The following ATXN10 variants were observed in gnomAD, a reference collection of about 807,000 sequenced individuals.
ATXN10 encodes ataxin-10.
Under a neutral mutation model 52.9 loss-of-function variants are expected in ATXN10, and 28 were observed. That is an observed-to-expected ratio of 0.53 (90% CI 0.39 to 0.73). The LOEUF is 0.73. Ranked by LOEUF, ATXN10 falls within the 30% of genes least tolerant of loss-of-function variation. ATXN10 has a pLI of 0.00. For synonymous variants in ATXN10, 226 were observed against 221.5 expected (o/e 1.02, Z -0.18); for missense variants, 565 against 577.0 (o/e 0.98, Z 0.21).
rs1014244417 is a variant in ATXN10, at chr22:45,705,080, T to C, written c.647+2233T>C. ...CTTTGTCTAACAGTGATTTTTATACTTTAAATCAACTTTGGATTCCTGAGA... is the reference window on the plus strand; with the variant it reads ...CTTTGTCTAACAGTGATTTTTATACCTTAAATCAACTTTGGATTCCTGAGA... On this transcript the variant is annotated intron_variant, in intron 5 of 11. Coordinates refer to ENST00000252934, the MANE Select transcript of ATXN10 (RefSeq NM_013236.4). The surrounding 1 kb of genome is among the most constrained non-coding windows in gnomAD (Gnocchi z 5.2). 6.6e-6 allele frequency among the ~76,000 whole-genome samples: 1 copy of C among 152,262 alleles called. No homozygotes were observed. Among genetic ancestry groups the C allele is most frequent in the African/African-American group, 2.4e-5 (1 of 41,476 alleles).
At position 45,702,815 on chromosome 22, in the gene ATXN10, T is replaced by C; in HGVS notation, c.615T>C (p.Asp205=). The change falls in exon 5 of 12, where the codon GAT becomes GAC. Residue 205 remains aspartate, a synonymous_variant. Transcript: ENST00000252934. ...TCAATATTGCAATTGATGTCATAGA[T>C]GCTTACCAAAAACATCCTGAATCAG... ...ENLNIAIDVI[D]AYQKHPESEW... is the part of the protein sequence containing the mutation. 1 of 1,613,966 alleles carries C rather than the reference T, an allele frequency of 6.2e-7. No homozygotes were observed. Among genetic ancestry groups the C allele is most frequent in the East Asian group, 2.2e-5 (1 of 44,832 alleles).
At chr22:45,731,460 G>A (rs1222673462) in intron 7 of ATXN10, among the ~76,000 whole-genome samples, 1 of 152,198 alleles carries the variant, frequency 6.6e-6, no homozygotes, top group Non-Finnish European at 1.5e-5. Context: ...TTCATTGCAT[G>A]TATATTATAC....
In ATXN10 at chr22:45,775,662, A is replaced by G. The variant is rs1569059950; in HGVS notation, c.1174-31297A>G. Among the ~76,000 whole-genome samples, 1 of 152,188 alleles carries G rather than the reference A, an allele frequency of 6.6e-6. No homozygotes were observed. The highest frequency in any genetic ancestry group is 1.5e-5 in the Non-Finnish European group (1 of 68,034). ...CTCCTTCGTGTGACTATTTATAATA[A>G]AAATGTGACTTGCAGTATTGTTATT... On this transcript the variant is annotated intron_variant, in intron 9 of 11. Coordinates refer to ENST00000252934, the MANE Select transcript of ATXN10 (RefSeq NM_013236.4). This position sits in a 1 kb window ranked among gnomAD's most constrained non-coding sequence, Gnocchi z 4.7.
intron 9 of ATXN10, among the ~76,000 whole-genome samples, chr22:45,752,263 C>G (rs1303913761): frequency 1.3e-5 from 2 of 152,088 alleles, no homozygotes; most frequent in Non-Finnish European, 2.9e-5. Flanking sequence ...GCCTACTGTT[C>G]TCTCGAGGAA....
intron 9 of ATXN10, among the ~76,000 whole-genome samples, chr22:45,788,116 A>G (rs953690870): frequency 1.3e-5 from 2 of 152,150 alleles, no homozygotes; most frequent in African/African-American, 4.8e-5. Context: ...TTTAAGGGCC[A>G]TTTGTATGCA....
At chr22:45,798,395 T>C (rs557768688) in intron 9 of ATXN10, among the ~76,000 whole-genome samples, 7 of 152,334 alleles carry the variant, frequency 4.6e-5, no homozygotes, top group African/African-American at 1.7e-4. Flanking sequence ...GACACTTTAA[T>C]TCTCCCATAT....
chr22:45,828,436 A>G lies in ATXN10; in HGVS notation c.1238-14555A>G, dbSNP rs576253593. Among the ~76,000 whole-genome samples, 4 of 152,234 alleles carry G rather than the reference A, an allele frequency of 2.6e-5. No individual in the cohort carries two copies. The highest frequency in any genetic ancestry group is 4.4e-5 in the Non-Finnish European group (3 of 68,012). ...AGGGCAGAGATAAAACAAACTAGAGAATAGAAAAATAATAGAGAAAATTAT... is the reference window on the plus strand; with the variant it reads ...AGGGCAGAGATAAAACAAACTAGAGGATAGAAAAATAATAGAGAAAATTAT... On this transcript the variant is annotated intron_variant, in intron 10 of 11. Transcript: ENST00000252934. The surrounding 1 kb of genome is among the most constrained non-coding windows in gnomAD (Gnocchi z 4.5).
chr22:45,843,622 G>T lies in ATXN10; in HGVS notation c.1426-47G>T, dbSNP rs1431791244. The T allele has an allele frequency of 6.3e-7, 1 of 1,597,706 alleles. No individual in the cohort carries two copies. The highest frequency in any genetic ancestry group is 8.6e-7 in the Non-Finnish European group (1 of 1,166,746). On this transcript the variant is annotated intron_variant, in intron 11 of 11. Transcript: ENST00000252934. The surrounding 1 kb of genome is among the most constrained non-coding windows in gnomAD (Gnocchi z 4.5). The stretch of plus-strand genomic sequence containing the variant: ...TCCCCTTTTGTCTGATGAATCTTGT[G>T]AACAGATTTGCTACATCTGCAATTT...
rs537698057 is a variant in ATXN10 at position 45,761,986 on chromosome 22, G to T, written c.1173+21448G>T. Among the ~76,000 whole-genome samples, 12 of 152,250 alleles carry T rather than the reference G, an allele frequency of 7.9e-5. No individual in the cohort carries two copies. In the South Asian group the frequency reaches 2.3e-3, roughly 29 times the overall value. On this transcript the variant is annotated intron_variant, in intron 9 of 11. Coordinates refer to ENST00000252934, the MANE Select transcript of ATXN10 (RefSeq NM_013236.4). ...TGAAGCAGGTGAATGGACCATATTC[G>T]CCTTTAAGAGCCTTCTGACTCCCAG...
At position 45,769,347 on chromosome 22, in the gene ATXN10, A is replaced by C. The variant is rs1246613962; in HGVS notation, c.1173+28809A>C. On this transcript the variant is annotated intron_variant, in intron 9 of 11. Transcript: ENST00000252934. This position sits in a 1 kb window ranked among gnomAD's most constrained non-coding sequence, Gnocchi z 4.2. ...ATTCATAGACACAACAGACATTTCT[A>C]CAGGATCTGCTTGGTACAGGGCACT... Among the ~76,000 whole-genome samples, 2 of 152,072 alleles carry C rather than the reference A, an allele frequency of 1.3e-5. No individual in the cohort carries two copies. Among genetic ancestry groups the C allele is most frequent in the Non-Finnish European group, 2.9e-5 (2 of 68,030 alleles).
At chr22:45,803,779 A>G (rs1928008054) in intron 9 of ATXN10, among the ~76,000 whole-genome samples, 1 of 152,102 alleles carries the variant, frequency 6.6e-6, no homozygotes, top group Non-Finnish European at 1.5e-5. Flanking sequence ...GACGTGGGGC[A>G]GGTTATCAGA....
intron 9 of ATXN10, among the ~76,000 whole-genome samples, chr22:45,791,013 C>T (rs1473575126): frequency 2.6e-5 from 4 of 152,116 alleles, no homozygotes; most frequent in African/African-American, 9.7e-5. Flanking sequence ...CACTGTCACA[C>T]CCAGCTAATT....
At position 45,819,711 on chromosome 22, in the gene ATXN10, TATC is replaced by T. The variant is rs1928587080; in HGVS notation, c.1237+12692_1237+12694del. Among the ~76,000 whole-genome samples, 1 of 152,238 alleles carries T rather than the reference TATC, an allele frequency of 6.6e-6. No individual in the cohort carries two copies. The highest frequency in any genetic ancestry group is 2.1e-4 in the South Asian group (1 of 4,834). ...GGTCTGTGCTTGTATACATTATTAT[TATC>T]ATTTAATGTATGTATTTTCTTATGA... On this transcript the variant is annotated intron_variant, in intron 10 of 11. Coordinates refer to ENST00000252934, the MANE Select transcript of ATXN10 (RefSeq NM_013236.4). This position sits in a 1 kb window ranked among gnomAD's most constrained non-coding sequence, Gnocchi z 4.5.
intron 9 of ATXN10, among the ~76,000 whole-genome samples, chr22:45,743,312 C>T (rs958809884): frequency 6.6e-6 from 1 of 152,152 alleles, no homozygotes; most frequent in Non-Finnish European, 1.5e-5. Flanking sequence ...GGATTTTTTT[C>T]CTCCTTCCAA....
intron 9 of ATXN10, among the ~76,000 whole-genome samples, chr22:45,743,885 C>A (rs547641197): frequency 6.6e-6 from 1 of 152,252 alleles, no homozygotes; most frequent in Admixed American, 6.5e-5. Context: ...CTATTGAGTT[C>A]CCAGGCCTGT....
chr22:45,796,402 C>T (rs1336829860), intron 9 of ATXN10, among the ~76,000 whole-genome samples: 1 of 152,194 alleles, frequency 6.6e-6, no homozygotes, highest in East Asian at 1.9e-4. Flanking sequence ...CTCACTCTGC[C>T]TCTCTGCCCT....
intron 9 of ATXN10, among the ~76,000 whole-genome samples, chr22:45,746,189 G>T (rs1408032973): frequency 6.6e-6 from 1 of 151,536 alleles, no homozygotes. Flanking sequence ...ATTTAAGACT[G>T]AATTTACAGT....
chr22:45,818,543 A>G lies in ATXN10; in HGVS notation c.1237+11521A>G, dbSNP rs1413290593. On this transcript the variant is annotated intron_variant, in intron 10 of 11. Coordinates refer to ENST00000252934, the MANE Select transcript of ATXN10 (RefSeq NM_013236.4). The surrounding 1 kb of genome is among the most constrained non-coding windows in gnomAD (Gnocchi z 4.6). ...CAGAGCGAGGTTCTCAGTGTGAGCC[A>G]TGTGGGCGGTCCTTTTTGGTTTGAA... 6.6e-6 allele frequency among the ~76,000 whole-genome samples: 1 copy of G among 152,190 alleles called. No individual in the cohort carries two copies. Among genetic ancestry groups the G allele is most frequent in the Non-Finnish European group, 1.5e-5 (1 of 68,040 alleles).
intron 9 of ATXN10, among the ~76,000 whole-genome samples, chr22:45,782,643 T>C (rs554844466): frequency 6.6e-6 from 1 of 151,864 alleles, no homozygotes; most frequent in Admixed American, 6.6e-5. Flanking sequence ...CACAAGGGAG[T>C]CTCTGGTGCT....
Sources: gnomAD v4.1 joint callset for allele counts (sites outside exome capture counted in the v4.1 genomes callset) on GRCh38, gnomAD v4.1.1 for gene constraint, Gnocchi (gnomAD v3.1) non-coding constraint, MANE v1.5 for transcripts, NCBI Gene and HGNC (gene_info 2026-07-23, HGNC 2026-07-21) for gene names.